PHACTR1: variants seen among roughly 807,000 people sequenced by gnomAD.
PHACTR1 encodes RPEL repeat containing 1.
PHACTR1 carries 16 observed loss-of-function variants against 69.2 expected under a neutral mutation model. The ratio of observed to expected loss-of-function variants is 0.23; its 90% CI spans 0.16 to 0.35. PHACTR1 has a LOEUF of 0.35. Ranked by LOEUF, PHACTR1 falls within the 10% of genes least tolerant of loss-of-function variation. The probability of loss-of-function intolerance (pLI) is 1.00; values close to 1 mark genes in which losing one functional copy is unlikely to be tolerated. For synonymous variants in PHACTR1, 312 were observed against 284.5 expected (o/e 1.10, Z -0.97); for missense variants, 510 against 734.7 (o/e 0.69, Z 3.54).
chr6:13,276,641 G>A (rs964452723), intron 11 of PHACTR1, among the ~76,000 whole-genome samples: 48 of 151,998 alleles, frequency 3.2e-4, no homozygotes, highest in Admixed American at 9.2e-4. Context: ...GTGTGGTGGT[G>A]GGCACCTGTA....
chr6:12,907,261 A>T (rs750160191), intron 4 of PHACTR1, among the ~76,000 whole-genome samples: 1 of 152,224 alleles, frequency 6.6e-6, no homozygotes, highest in Non-Finnish European at 1.5e-5. Flanking sequence ...TCAGAAAAAT[A>T]ATTATAGTTT....
chr6:12,858,790 A>G (rs185927673), intron 4 of PHACTR1, among the ~76,000 whole-genome samples: 41 of 141,718 alleles, frequency 2.9e-4, no homozygotes, highest in Non-Finnish European at 4.6e-4. Context: ...TCTTAAAAAA[A>G]AGAGCCAACA....
chr6:12,851,525 A>G (rs1582089792), intron 4 of PHACTR1, among the ~76,000 whole-genome samples: 1 of 152,342 alleles, frequency 6.6e-6, no homozygotes, highest in Non-Finnish European at 1.5e-5. Flanking sequence ...GTTCCATTTT[A>G]TCCTTAATTA....
chr6:12,830,502 T>C (rs1161272981), intron 4 of PHACTR1, among the ~76,000 whole-genome samples: 2 of 152,060 alleles, frequency 1.3e-5, no homozygotes, highest in African/African-American at 4.8e-5. Flanking sequence ...CGAAGAGCCT[T>C]CCCACCAGTC....
In PHACTR1 at chr6:13,230,143, G is replaced by A. The variant is rs757549887; in HGVS notation, c.1341G>A (p.Thr447=). The A allele has an allele frequency of 3.7e-5, 59 of 1,611,572 alleles. No homozygotes were observed. The highest frequency in any genetic ancestry group is 4.4e-5 in the Non-Finnish European group (52 of 1,179,090). The change falls in exon 10 of 15, where the codon ACG becomes ACA. Residue 447 remains threonine, a synonymous_variant. Transcript: ENST00000332995. ...LEEKNILPRQ[T]DEERLELRQQ... ...AAAAGAACATCCTTCCCAGGCAGAC[G>A]GATGAGGAGCGGCTGGAGCTGAGGC...
At chr6:13,216,009 A>G (rs1046735981) in intron 8 of PHACTR1, among the ~76,000 whole-genome samples, 10 of 152,230 alleles carry the variant, frequency 6.6e-5, no homozygotes, top group African/African-American at 2.4e-4. Flanking sequence ...AGTTTATACG[A>G]ATAGTTTATT....
Position 13,075,945 on chromosome 6 carries a change from T to C in PHACTR1, c.415+22416T>C, listed in dbSNP as rs148913281. 9.6e-4 allele frequency among the ~76,000 whole-genome samples: 146 copies of C among 152,158 alleles called. 4 individuals carry two copies. Among genetic ancestry groups the C allele is most frequent in the Admixed American group, 5.2e-4 (8 of 15,262 alleles). The stretch of plus-strand genomic sequence containing the variant: ...CTAAGAATTTTTCTCTTTTCAGTTA[T>C]GTCATGGAAATGACAATAGGATTTG... On this transcript the variant is annotated intron_variant, in intron 5 of 14. Transcript: ENST00000332995.
intron 3 of PHACTR1, among the ~76,000 whole-genome samples, chr6:12,748,088 C>T (rs1435918458): frequency 3.9e-5 from 6 of 152,080 alleles, no homozygotes; most frequent in Middle Eastern, 3.4e-3. Context: ...AAACCAATGA[C>T]GGGGATGAAA....
chr6:13,061,515 C>T (rs1234710937), intron 5 of PHACTR1, among the ~76,000 whole-genome samples: 1 of 152,128 alleles, frequency 6.6e-6, no homozygotes, highest in African/African-American at 2.4e-5. Flanking sequence ...GAGTAAACAG[C>T]TGCATTCTTG....
intron 3 of PHACTR1, among the ~76,000 whole-genome samples, chr6:12,743,189 G>T: frequency 7.3e-6 from 1 of 136,758 alleles, no homozygotes; most frequent in East Asian, 2.3e-4. Context: ...TAAATTGCAG[G>T]AAAAAAAAAA....
At chr6:13,260,946 T>G (rs1775824032) in intron 10 of PHACTR1, among the ~76,000 whole-genome samples, 1 of 152,248 alleles carries the variant, frequency 6.6e-6, no homozygotes, top group Non-Finnish European at 1.5e-5. Context: ...TGCTTTGGAC[T>G]GAATGATCTT....
intron 4 of PHACTR1, among the ~76,000 whole-genome samples, chr6:12,980,145 A>G (rs1038635204): frequency 1.3e-5 from 2 of 152,222 alleles, no homozygotes; most frequent in Non-Finnish European, 2.9e-5. Context: ...TAAGTCCTCA[A>G]GATAACAGTT....
At chr6:12,923,706 T>A (rs1787961059) in intron 4 of PHACTR1, among the ~76,000 whole-genome samples, 3 of 152,168 alleles carry the variant, frequency 2.0e-5, no homozygotes, top group Admixed American at 2.0e-4. Context: ...TTTCACTAAC[T>A]TCAAGAAACC....
intron 4 of PHACTR1, among the ~76,000 whole-genome samples, chr6:13,015,269 C>G (rs11759412): frequency 0.24 from 36,763 of 152,030 alleles, 5,244 homozygotes; most frequent in African/African-American, 0.4. Context: ...TTATCGTTTT[C>G]TTTGATTAAA....
chr6:13,031,484 G>A (rs150321799), intron 4 of PHACTR1, among the ~76,000 whole-genome samples: 247 of 152,302 alleles, frequency 1.6e-3, no homozygotes, highest in African/African-American at 5.4e-3. Flanking sequence ...TAATTGAAAC[G>A]AATTCTATTA....
At chr6:13,250,440 CA>C (rs1774229114) in intron 10 of PHACTR1, among the ~76,000 whole-genome samples, 1 of 152,190 alleles carries the variant, frequency 6.6e-6, no homozygotes, top group African/African-American at 2.4e-5. Flanking sequence ...GAATACGGTC[CA>C]GTTTTTCAAA....
intron 4 of PHACTR1, among the ~76,000 whole-genome samples, chr6:13,047,876 C>A (rs573657585): frequency 2.6e-5 from 4 of 152,154 alleles, no homozygotes; most frequent in African/African-American, 7.2e-5. Context: ...ACCTGAGGAG[C>A]GCCCCGAGCC....
chr6:12,775,077 G>A (rs1367655268), intron 4 of PHACTR1, among the ~76,000 whole-genome samples: 3 of 152,154 alleles, frequency 2.0e-5, no homozygotes, highest in Non-Finnish European at 4.4e-5. Flanking sequence ...CCTGTGAAGA[G>A]GGTGAGCAGG....
chr6:13,064,382 G>A (rs1250697523), intron 5 of PHACTR1, among the ~76,000 whole-genome samples: 1 of 151,464 alleles, frequency 6.6e-6, no homozygotes, highest in African/African-American at 2.4e-5. Flanking sequence ...TGCAGGAGAT[G>A]CACGAGGGGA....
Sources: gnomAD v4.1 joint callset for allele counts (sites outside exome capture counted in the v4.1 genomes callset) on GRCh38, gnomAD v4.1.1 for gene constraint, MANE v1.5 for transcripts, NCBI Gene and HGNC (gene_info 2026-07-23, HGNC 2026-07-21) for gene names.